The following RBPJ variants were observed in gnomAD, a reference collection of about 807,000 sequenced individuals.
The protein encoded by RBPJ is recombination signal binding protein for immunoglobulin kappa J region.
RBPJ carries 9 observed loss-of-function variants against 67.8 expected under a neutral mutation model. The ratio of observed to expected loss-of-function variants is 0.13; its 90% CI spans 0.08 to 0.23. RBPJ has a LOEUF of 0.23. RBPJ is among the 10% of genes least tolerant of loss of function. The pLI, the probability that RBPJ is intolerant of heterozygous loss-of-function variation, is 1.00. For synonymous variants in RBPJ, 198 were observed against 203.3 expected, an observed-to-expected ratio of 0.97 and a Z score of 0.22; for missense variants, 305 against 595.6, an observed-to-expected ratio of 0.51 and a Z score of 5.08.
chr4:26,306,751 GAATTATTTTTT>G (rs2109304063), intron 1 of RBPJ, among the ~76,000 whole-genome samples: 1 of 151,990 alleles, frequency 6.6e-6, no homozygotes, highest in East Asian at 1.9e-4. Flanking sequence ...GCCCGGCTGA[GAATTATTTTTT>G]AATTAATAAA....
chr4:26,145,380 G>A, the RBPJ span, among the ~76,000 whole-genome samples: 2 of 152,308 alleles, frequency 1.3e-5, no homozygotes, highest in South Asian at 4.1e-4. Flanking sequence ...GAGGCTGGGT[G>A]ACTTTTAGAT....
At chr4:26,209,098 A>AAAT (rs1553848907) in intron 1 of RBPJ, among the ~76,000 whole-genome samples, 1,697 of 146,974 alleles carry the variant, frequency 0.012, 29 homozygotes, top group African/African-American at 0.036. Flanking sequence ...GAAGAAAAAA[A>AAAT]ATATATATAT....
At chr4:26,366,461 T>C (rs1299411209) in intron 1 of RBPJ, among the ~76,000 whole-genome samples, 1 of 152,152 alleles carries the variant, frequency 6.6e-6, no homozygotes, top group Non-Finnish European at 1.5e-5. Context: ...TCTTGCTCTG[T>C]CACCCAGGCT....
At chr4:26,221,317 C>T (rs1207774644) in intron 1 of RBPJ, among the ~76,000 whole-genome samples, 4 of 152,136 alleles carry the variant, frequency 2.6e-5, no homozygotes, top group Non-Finnish European at 5.9e-5. Context: ...GTCTCCATCT[C>T]CTGACCTCGT....
upstream of RBPJ, among the ~76,000 whole-genome samples, chr4:26,159,234 C>T (rs538498699): frequency 1.3e-5 from 2 of 152,244 alleles, no homozygotes; most frequent in East Asian, 3.9e-4. Flanking sequence ...TATCAGTGTT[C>T]TCATTTTACA....
chr4:26,310,355 CA>C (rs1455760345), intron 1 of RBPJ, among the ~76,000 whole-genome samples: 1 of 151,968 alleles, frequency 6.6e-6, no homozygotes, highest in Non-Finnish European at 1.5e-5. Context: ...ATAAGAGAAC[CA>C]TAAAGATGAA....
intron 1 of RBPJ, among the ~76,000 whole-genome samples, chr4:26,281,921 A>G (rs781744991): frequency 6.6e-6 from 1 of 152,200 alleles, no homozygotes; most frequent in Non-Finnish European, 1.5e-5. Context: ...TTCTAATATA[A>G]CACTCCTATT....
chr4:26,195,739 C>T (rs1039503094), intron 1 of RBPJ, among the ~76,000 whole-genome samples: 8 of 151,992 alleles, frequency 5.3e-5, no homozygotes, highest in African/African-American at 1.5e-4. Context: ...GGATTACAGG[C>T]GCCCACCACT....
intron 1 of RBPJ, among the ~76,000 whole-genome samples, chr4:26,327,968 C>G (rs929869377): frequency 6.6e-6 from 1 of 152,016 alleles, no homozygotes; most frequent in Non-Finnish European, 1.5e-5. Context: ...TGTGAACAGT[C>G]TATTATGGAC....
intron 2 of RBPJ, among the ~76,000 whole-genome samples, chr4:26,389,133 A>G (rs1479988205): frequency 1.3e-5 from 2 of 151,836 alleles, no homozygotes; most frequent in African/African-American, 4.8e-5. Flanking sequence ...GGAGACTGAG[A>G]TGGGAGGATC....
chr4:26,303,881 A>T (rs573082930), intron 1 of RBPJ, among the ~76,000 whole-genome samples: 7 of 152,294 alleles, frequency 4.6e-5, no homozygotes, highest in Admixed American at 4.6e-4. Context: ...TTTCATTGAG[A>T]TGCACTTCAC....
At chr4:26,250,427 A>G (rs111710487) in intron 1 of RBPJ, among the ~76,000 whole-genome samples, 39,620 of 147,048 alleles carry the variant, frequency 0.27, 5,196 homozygotes, top group African/African-American at 0.3. Context: ...CTTCTCCTAG[A>G]TTCAAGTGAT....
At chr4:26,336,584 A>C (rs74513468) in intron 1 of RBPJ, among the ~76,000 whole-genome samples, 1 of 151,728 alleles carries the variant, frequency 6.6e-6, no homozygotes, top group Non-Finnish European at 1.5e-5. Flanking sequence ...CAGGAGTTTG[A>C]GATTGCAGTG....
At chr4:26,305,581 A>G (rs990185712) in intron 1 of RBPJ, among the ~76,000 whole-genome samples, 2 of 151,984 alleles carry the variant, frequency 1.3e-5, no homozygotes, top group Non-Finnish European at 2.9e-5. Flanking sequence ...ATTTAATTTG[A>G]TACTCTGGAT....
rs1222788079 is a variant in RBPJ, at chr4:26,430,502, A to G, written c.1128A>G (p.Val376=). Residue 376 remains valine, a synonymous_variant, in exon 10 of 11, where the codon GTA becomes GTG. Coordinates refer to ENST00000355476, the MANE Select transcript of RBPJ (RefSeq NM_015874.6). This position sits in a 1 kb window ranked among gnomAD's most constrained non-coding sequence, Gnocchi z 4.1. ...ATTTACGAGTGTGGTTTGGGGATGT[A>G]GAAGCTGAAACTATGTACAGGTACT... ...TPNLRVWFGD[V]EAETMYRCGE... 5 of 1,607,302 alleles carry G rather than the reference A, an allele frequency of 3.1e-6. No homozygotes were observed. Among genetic ancestry groups the G allele is most frequent in the Non-Finnish European group, 4.2e-6 (5 of 1,178,022 alleles).
intron 1 of RBPJ, among the ~76,000 whole-genome samples, chr4:26,198,269 CAAAAAA>C: frequency 6.6e-6 from 1 of 150,916 alleles, no homozygotes; most frequent in African/African-American, 2.4e-5. Flanking sequence ...AACAAAAAAA[CAAAAAA>C]ACAAAAAAAC....
intron 1 of RBPJ, among the ~76,000 whole-genome samples, chr4:26,200,786 A>G (rs1053300350): frequency 2.6e-5 from 4 of 152,094 alleles, no homozygotes; most frequent in African/African-American, 9.7e-5. Flanking sequence ...TCATCTCAGG[A>G]GCCTCCTTGA....
the RBPJ span, among the ~76,000 whole-genome samples, chr4:26,142,846 A>G: frequency 6.6e-6 from 1 of 152,172 alleles, no homozygotes; most frequent in African/African-American, 2.4e-5. Context: ...CAGTAGTGCA[A>G]TCTCAGCTCA....
intron 1 of RBPJ, among the ~76,000 whole-genome samples, chr4:26,209,174 A>C (rs1188628827): frequency 6.6e-6 from 1 of 151,872 alleles, no homozygotes; most frequent in Non-Finnish European, 1.5e-5. Flanking sequence ...TACCGGCATG[A>C]TGTCAACTGG....
Sources: allele counts gnomAD v4.1 joint callset (sites outside exome capture counted in the v4.1 genomes callset), GRCh38; gene constraint gnomAD v4.1.1; non-coding constraint Gnocchi (gnomAD v3.1); transcripts MANE v1.5; gene names NCBI Gene and HGNC (gene_info 2026-07-23, HGNC 2026-07-21).